FGD3: variants seen among roughly 807,000 people sequenced by gnomAD.
FGD3 encodes FYVE, RhoGEF and PH domain containing 3, also known as FYVE, RhoGEF and PH domain-containing protein 3.
In FGD3, 45 loss-of-function variants were observed where a neutral mutation model predicts 71.8. The ratio of observed to expected loss-of-function variants is 0.63; its 90% CI spans 0.49 to 0.80. The LOEUF (loss-of-function observed/expected upper bound fraction) is 0.80. Among genes scored for constraint, FGD3 ranks in the 30% least tolerant of loss-of-function variants. The probability of loss-of-function intolerance (pLI) is 0.00; values close to 1 mark genes in which losing one functional copy is unlikely to be tolerated. For missense variants in FGD3, 844 were observed against 951.5 expected, an observed-to-expected ratio of 0.89 and a Z score of 1.49; for synonymous variants, 378 against 392.8, an observed-to-expected ratio of 0.96 and a Z score of 0.44.
chr9:93,020,471 A>G (rs769804711), intron 13 of FGD3, 47 bp downstream of exon 13: 2 of 1,534,850 alleles, frequency 1.3e-6, no homozygotes, highest in South Asian at 2.3e-5. Context: ...GGGACGGGCT[A>G]CCTGTGGAGA....
chr9:92,948,098 A>G (rs938281528), intron 1 of FGD3, among the ~76,000 whole-genome samples: 4 of 151,692 alleles, frequency 2.6e-5, no homozygotes, highest in African/African-American at 9.7e-5. Flanking sequence ...GGACTTCTCC[A>G]CCCTTCCCCA....
In FGD3 at chr9:93,029,893, C is replaced by T. The variant is rs753945966; in HGVS notation, c.1577C>T (p.Ser526Phe). ...GAAGLEPRKL[S>F]SKTRRDKEKQ... ...TTATAGCTCGAGCCCAGAAAACTAT[C>T]CTCTAAGACCAGACGTGACAAGGAG... The change falls in exon 15 of 18, where the codon TCC (serine) becomes TTC (phenylalanine). Residue 526 changes from serine (S) to phenylalanine (F), a missense_variant. Transcript: ENST00000375482. 2.5e-6 allele frequency: 4 copies of T among 1,613,300 alleles called. No homozygotes were observed. In the South Asian group the frequency reaches 3.3e-5, roughly 13 times the overall value.
intron 8 of FGD3, among the ~76,000 whole-genome samples, chr9:93,012,103 G>A (rs1861424924): frequency 1.3e-5 from 2 of 149,478 alleles, no homozygotes; most frequent in South Asian, 2.1e-4. Flanking sequence ...GCAGTGAGCC[G>A]AGATCGCGCC....
At position 93,030,005 on chromosome 9, in the gene FGD3, C is replaced by CGGGAGA. The variant is rs1862295451; in HGVS notation, c.1680+13_1680+18dup. On this transcript the variant is annotated intron_variant, in intron 15 of 17. Transcript: ENST00000375482. ...GCAAGCTGTGTGGGGCGGTGAGTCC[C>CGGGAGA]GGGAGAGGGGGACAGGGACAGGAGG... 1.2e-6 allele frequency: 2 copies of CGGGAGA among 1,610,404 alleles called. No individual in the cohort carries two copies. Among genetic ancestry groups the CGGGAGA allele is most frequent in the Non-Finnish European group, 1.7e-6 (2 of 1,178,182 alleles).
At chr9:93,015,387 C>T (rs939040606) in intron 9 of FGD3, among the ~76,000 whole-genome samples, 1 of 151,950 alleles carries the variant, frequency 6.6e-6, no homozygotes, top group East Asian at 1.9e-4. Context: ...ACACGGGAGA[C>T]GGAGTTTGCA....
chr9:93,012,696 G>GT, intron 8 of FGD3, among the ~76,000 whole-genome samples: 1 of 135,308 alleles, frequency 7.4e-6, no homozygotes, highest in African/African-American at 3.0e-5. Flanking sequence ...GCGGGGTGTG[G>GT]GGGGGGGAAG....
At chr9:92,952,969 C>G (rs138079601) in intron 1 of FGD3, among the ~76,000 whole-genome samples, 15 of 152,160 alleles carry the variant, frequency 9.9e-5, no homozygotes, top group Non-Finnish European at 2.1e-4. Flanking sequence ...GAATAGTAAA[C>G]GGTGGATCCA....
chr9:93,033,289 TCCTCC>T, intron 16 of FGD3: 1 of 166,290 alleles, frequency 6.0e-6, no homozygotes, highest in Non-Finnish European at 1.1e-5. Context: ...CCCCTCCTCC[TCCTCC>T]CCGTCCCCTT....
chr9:93,028,617 G>T (rs1862225974), intron 14 of FGD3, among the ~76,000 whole-genome samples: 1 of 152,232 alleles, frequency 6.6e-6, no homozygotes, highest in African/African-American at 2.4e-5. Flanking sequence ...CTTTCCAGGG[G>T]TTGCAGGCTA....
At chr9:92,976,183 A>C in intron 2 of FGD3, 25 bp from the exon 3 acceptor site, 1 of 1,372,940 alleles carries the variant, frequency 7.3e-7, no homozygotes, top group Non-Finnish European at 9.7e-7. Flanking sequence ...GCTAGCACTG[A>C]CTCTGGCTTG....
chr9:92,996,565 T>C (rs147331889), intron 3 of FGD3, among the ~76,000 whole-genome samples: 4,732 of 152,288 alleles, frequency 0.031, 262 homozygotes, highest in African/African-American at 0.11. Flanking sequence ...TTAATTGTGA[T>C]GTTAGGGTGT....
intron 1 of FGD3, among the ~76,000 whole-genome samples, chr9:92,970,761 G>A (rs1328811848): frequency 6.6e-6 from 1 of 152,172 alleles, no homozygotes; most frequent in Non-Finnish European, 1.5e-5. Context: ...CAGCATACGT[G>A]TGCACACATG....
chr9:93,034,662 A>G lies in FGD3; in HGVS notation c.1907A>G (p.His636Arg). Residue 636 changes from histidine to arginine, a missense_variant, in exon 17 of 18, where the codon CAC becomes CGC. Transcript: ENST00000375482. ...CCCATGTCAGATCCCCAGGTGCTGC[A>G]CCTGCAGGGAGGCAGCCAGGTACGT... ...AIPMSDPQVL[H>R]LQGGSQDGRL... 6.2e-7 allele frequency: 1 copy of G among 1,612,890 alleles called. No homozygotes were observed. Among genetic ancestry groups the G allele is most frequent in the Non-Finnish European group, 8.5e-7 (1 of 1,179,640 alleles).
intron 11 of FGD3, among the ~76,000 whole-genome samples, chr9:93,018,754 G>A (rs183404252): frequency 2.0e-5 from 3 of 152,300 alleles, no homozygotes; most frequent in Admixed American, 2.0e-4. Context: ...ACTCGGGGCG[G>A]TTTTAGTACC....
chr9:93,003,938 G>C lies in FGD3; in HGVS notation c.544-63G>C. The C allele has an allele frequency of 6.3e-7, 1 of 1,594,558 alleles. No homozygotes were observed. Among genetic ancestry groups the C allele is most frequent in the South Asian group, 1.1e-5 (1 of 90,546 alleles). ...GAGCGCCCTCACCTGTGGCCGAAGC[G>C]GGGCGGCAACTGTGCTCAGTGGAAG... On this transcript the variant is annotated intron_variant, in intron 4 of 17. Transcript: ENST00000375482. This position sits in a 1 kb window ranked among gnomAD's most constrained non-coding sequence, Gnocchi z 4.1.
At chr9:93,012,795 A>C (rs1269553695) in intron 8 of FGD3, among the ~76,000 whole-genome samples, 1 of 152,090 alleles carries the variant, frequency 6.6e-6, no homozygotes, top group Non-Finnish European at 1.5e-5. Flanking sequence ...TCACTCACTA[A>C]AGCTGCATTA....
At chr9:93,010,519 G>C in intron 7 of FGD3, 135 bp downstream of exon 7, 1 of 868,070 alleles carries the variant, frequency 1.2e-6, no homozygotes, top group Non-Finnish European at 1.6e-6. Context: ...CAGAGGGAAA[G>C]AGACAGAGAC....
At position 92,947,568 on chromosome 9, in the gene FGD3, T is replaced by A. The variant is rs1227090805; in HGVS notation, c.-379T>A. On this transcript the variant is annotated 5_prime_UTR_variant, in exon 1 of 18. Coordinates refer to ENST00000375482, the MANE Select transcript of FGD3 (RefSeq NM_001083536.2). ...GGGAAGCACAGCCCGGCCCTCCAGG[T>A]CCCCAAGGAGACCCCAGCCTCCTGC... The A allele has an allele frequency of 2.6e-5, 4 of 152,456 alleles. No homozygotes were observed. In the East Asian group the frequency reaches 7.7e-4, roughly 30 times the overall value. The allele number at this position is 152,456 out of a possible 1,614,324, so 9.4% of individuals were successfully genotyped here.
intron 6 of FGD3, among the ~76,000 whole-genome samples, chr9:93,007,747 C>G (rs1861125618): frequency 6.6e-6 from 1 of 152,228 alleles, no homozygotes; most frequent in African/African-American, 2.4e-5. Context: ...GGGGAGGGCT[C>G]TCCGCCTGGA....
Sources: allele counts gnomAD v4.1 joint callset (sites outside exome capture counted in the v4.1 genomes callset), GRCh38; gene constraint gnomAD v4.1.1; non-coding constraint Gnocchi (gnomAD v3.1); transcripts MANE v1.5; gene names NCBI Gene and HGNC (gene_info 2026-07-23, HGNC 2026-07-21).